The following TTLL5 variants were observed in gnomAD, a reference collection of about 807,000 sequenced individuals.
TTLL5 encodes the protein tubulin polyglutamylase TTLL5.
Under a neutral mutation model 168.4 loss-of-function variants are expected in TTLL5, and 132 were observed. The ratio of observed to expected loss-of-function variants is 0.78; its 90% CI spans 0.68 to 0.91. The LOEUF is 0.91. TTLL5 is among the 40% of genes least tolerant of loss of function. TTLL5 has a pLI of 0.00. For synonymous variants in TTLL5, 546 were observed against 558.6 expected, an observed-to-expected ratio of 0.98 and a Z score of 0.32; for missense variants, 1,545 against 1,581.5, an observed-to-expected ratio of 0.98 and a Z score of 0.39.
chr14:75,741,526 C>T (rs958027596), intron 15 of TTLL5, among the ~76,000 whole-genome samples: 164 of 137,202 alleles, frequency 1.2e-3, no homozygotes, highest in Non-Finnish European at 2.4e-3. Flanking sequence ...AGTCTGATTC[C>T]TTTTTTTTTT....
At chr14:75,840,606 G>T (rs1160991577) in intron 28 of TTLL5, among the ~76,000 whole-genome samples, 1 of 152,170 alleles carries the variant, frequency 6.6e-6, no homozygotes, top group African/African-American at 2.4e-5. Context: ...TAGGAGGTAT[G>T]GGGATCGTTG....
rs573822951 is a variant in TTLL5 at position 75,877,487 on chromosome 14, A to G, written c.3523-5198A>G. 2.6e-5 allele frequency among the ~76,000 whole-genome samples: 4 copies of G among 152,282 alleles called. No homozygotes were observed. In the South Asian group the frequency reaches 6.2e-4, roughly 24 times the overall value. ...TTGCCTGGGGCCAAGCCAACCCTCA[A>G]ACTGTGGTTTTTCTCTGAGTCTTCT... On this transcript the variant is annotated intron_variant, in intron 29 of 31. Transcript: ENST00000298832.
intron 10 of TTLL5, among the ~76,000 whole-genome samples, chr14:75,719,088 C>T (rs1041408641): frequency 3.3e-5 from 5 of 152,146 alleles, no homozygotes; most frequent in Non-Finnish European, 7.3e-5. Flanking sequence ...CGGGGCTCTT[C>T]CAACATTCGT....
rs139459479 is a variant in TTLL5 at position 75,893,680 on chromosome 14, G to T, written c.3741-8462G>T. On this transcript the variant is annotated intron_variant, in intron 30 of 31. Transcript: ENST00000298832. ...AAAAATACAAAAAATTAGCTGGGCG[G>T]GGTGACGCACGCCTGTAATCCCAGC... Among the ~76,000 whole-genome samples the T allele has an allele frequency of 4.0e-3, 600 of 151,894 alleles. 6 individuals carry two copies. Among genetic ancestry groups the T allele is most frequent in the African/African-American group, 0.014 (560 of 41,436 alleles).
rs925950430 is a variant in TTLL5 at position 75,878,243 on chromosome 14, C to G, written c.3523-4442C>G. 2.0e-5 allele frequency among the ~76,000 whole-genome samples: 3 copies of G among 152,308 alleles called. No individual in the cohort carries two copies. The East Asian group carries it at 5.8e-4, about 29-fold the overall frequency. On this transcript the variant is annotated intron_variant, in intron 29 of 31. Transcript: ENST00000298832. ...TTGGCTGCTTATAACAGAACCCTCT[C>G]TACCACCAATAGTTTAATTAAGTTA...
At chr14:75,906,858 G>A (rs2033168334) in intron 31 of TTLL5, among the ~76,000 whole-genome samples, 1 of 152,180 alleles carries the variant, frequency 6.6e-6, no homozygotes, top group South Asian at 2.1e-4. Context: ...GCTCCAAATA[G>A]TTTGCTCCTA....
chr14:75,683,771 A>C, intron 5 of TTLL5, 115 bp downstream of exon 5: 1 of 791,838 alleles, frequency 1.3e-6, no homozygotes, highest in Non-Finnish European at 1.9e-6. Context: ...GAAGAAGAAG[A>C]AGGACTTTTT....
At chr14:75,717,793 TC>T in intron 9 of TTLL5, 67 bp from the exon 10 acceptor site, 1 of 1,431,214 alleles carries the variant, frequency 7.0e-7, no homozygotes, top group Non-Finnish European at 9.8e-7. Context: ...ATCTCATTGA[TC>T]CTCAGTTCCA....
intron 27 of TTLL5, among the ~76,000 whole-genome samples, chr14:75,801,355 G>A (rs990852713): frequency 2.6e-5 from 4 of 152,138 alleles, no homozygotes; most frequent in African/African-American, 9.7e-5. Context: ...CAGCCAACAA[G>A]GCCAATCTCC....
chr14:75,696,990 C>G (rs531980599), intron 6 of TTLL5, among the ~76,000 whole-genome samples: 11 of 152,166 alleles, frequency 7.2e-5, no homozygotes, highest in African/African-American at 2.6e-4. Context: ...TGGTCTTCTG[C>G]CAGTTTTTGT....
At chr14:75,881,212 C>T (rs919381842) in intron 29 of TTLL5, among the ~76,000 whole-genome samples, 1 of 152,236 alleles carries the variant, frequency 6.6e-6, no homozygotes, top group Non-Finnish European at 1.5e-5. Context: ...CCGAACCTGG[C>T]TTTGTCTTTG....
intron 12 of TTLL5, among the ~76,000 whole-genome samples, chr14:75,722,640 TA>T (rs1887913620): frequency 6.6e-6 from 1 of 152,052 alleles, no homozygotes; most frequent in East Asian, 1.9e-4. Context: ...GTCCCCTTTT[TA>T]AATTTTTTTT....
chr14:75,836,025 C>T (rs1895847106), intron 28 of TTLL5, among the ~76,000 whole-genome samples: 1 of 152,210 alleles, frequency 6.6e-6, no homozygotes, highest in African/African-American at 2.4e-5. Context: ...TACAACCCAG[C>T]AGTCCCACTC....
At chr14:75,743,883 C>T (rs1211102695) in intron 15 of TTLL5, among the ~76,000 whole-genome samples, 1 of 151,980 alleles carries the variant, frequency 6.6e-6, no homozygotes, top group Non-Finnish European at 1.5e-5. Context: ...GCCCAGCCAC[C>T]ATCTCTTCTT....
At chr14:75,808,218 C>CTA (rs985838969) in intron 27 of TTLL5, among the ~76,000 whole-genome samples, 13 of 152,068 alleles carry the variant, frequency 8.5e-5, no homozygotes, top group Non-Finnish European at 1.5e-4. Flanking sequence ...CACTAAATGT[C>CTA]TATATATATA....
chr14:75,688,390 A>G (rs1029270313), intron 5 of TTLL5, among the ~76,000 whole-genome samples: 10 of 152,208 alleles, frequency 6.6e-5, no homozygotes, highest in Admixed American at 6.5e-5. Context: ...TGGAGATCGC[A>G]TAGAGGTTCT....
At chr14:75,680,988 A>G (rs1169932078) in intron 3 of TTLL5, among the ~76,000 whole-genome samples, 1 of 152,150 alleles carries the variant, frequency 6.6e-6, no homozygotes, top group Non-Finnish European at 1.5e-5. Context: ...GGAGAAGCCC[A>G]TGGGCCTCTT....
chr14:75,864,052 G>C (rs1165339303), intron 29 of TTLL5, among the ~76,000 whole-genome samples, 190 bp downstream of exon 29: 1 of 151,650 alleles, frequency 6.6e-6, no homozygotes, highest in Non-Finnish European at 1.5e-5. Context: ...CACTGGCTTT[G>C]CTTGAAAGTG....
intron 3 of TTLL5, among the ~76,000 whole-genome samples, chr14:75,680,142 T>C (rs1884490029): frequency 1.3e-5 from 2 of 152,208 alleles, no homozygotes; most frequent in African/African-American, 4.8e-5. Flanking sequence ...ACTTTTTCAG[T>C]TAGTAGTGGT....
Sources: gnomAD v4.1 joint callset for allele counts (sites outside exome capture counted in the v4.1 genomes callset) on GRCh38, gnomAD v4.1.1 for gene constraint, MANE v1.5 for transcripts, NCBI Gene and HGNC (gene_info 2026-07-23, HGNC 2026-07-21) for gene names.